Variants in TBCD observed in about 807,000 individuals in gnomAD.
TBCD encodes the protein tubulin folding cofactor D, also known as tubulin-specific chaperone D.
Under a neutral mutation model 169.3 loss-of-function variants are expected in TBCD, and 105 were observed. That is an observed-to-expected ratio of 0.62 (90% CI 0.53 to 0.73). The LOEUF is 0.73. Among genes scored for constraint, TBCD ranks in the 30% least tolerant of loss-of-function variants. The pLI, the probability that TBCD is intolerant of heterozygous loss-of-function variation, is 0.00. For missense variants in TBCD, 1,444 were observed against 1,600.1 expected, an observed-to-expected ratio of 0.90 and a Z score of 1.66; for synonymous variants, 700 against 643.9, an observed-to-expected ratio of 1.09 and a Z score of -1.32.
At chr17:82,902,974 G>A (rs1246395906) in intron 18 of TBCD, among the ~76,000 whole-genome samples, 1 of 152,196 alleles carries the variant, frequency 6.6e-6, no homozygotes, top group Non-Finnish European at 1.5e-5. Flanking sequence ...GGTGCTTTCA[G>A]TGTGTGTCTG....
At chr17:82,784,922 G>A (rs116619882) in intron 7 of TBCD, among the ~76,000 whole-genome samples, 9,329 of 150,576 alleles carry the variant, frequency 0.062, 673 homozygotes, top group African/African-American at 0.18. Context: ...CACTGGACCC[G>A]ACCCATCGCA....
intron 7 of TBCD, among the ~76,000 whole-genome samples, chr17:82,790,990 G>A (rs1462573928): frequency 3.3e-5 from 5 of 151,998 alleles, no homozygotes; most frequent in Non-Finnish European, 1.5e-5. Context: ...TCCCTTTGCC[G>A]CTGAGCCCGT....
intron 12 of TBCD, among the ~76,000 whole-genome samples, chr17:82,812,473 C>T (rs567639297): frequency 2.6e-5 from 4 of 152,228 alleles, no homozygotes; most frequent in Admixed American, 6.5e-5. Context: ...AGAGCCCCCC[C>T]GCAGGTGACC....
At chr17:82,846,949 G>A (rs994600778) in intron 13 of TBCD, among the ~76,000 whole-genome samples, 136 of 151,428 alleles carry the variant, frequency 9.0e-4, no homozygotes, top group African/African-American at 3.2e-3. Flanking sequence ...GTCCTCACCC[G>A]CCATGTGCCT....
At position 82,884,062 on chromosome 17, in the gene TBCD, G is replaced by C; in HGVS notation, c.1476-83G>C. On this transcript the variant is annotated intron_variant, in intron 14 of 38. Coordinates refer to ENST00000355528, the MANE Select transcript of TBCD (RefSeq NM_005993.5). The surrounding 1 kb of genome is among the most constrained non-coding windows in gnomAD (Gnocchi z 4.2). The stretch of plus-strand genomic sequence containing the variant: ...AACCTCAAGTGGGCCTGAGTCGTGA[G>C]AGAAAGGCTTTCTCATCGATACTGT... 1.4e-6 allele frequency: 2 copies of C among 1,388,696 alleles called. No individual in the cohort carries two copies. The highest frequency in any genetic ancestry group is 1.0e-6 in the Non-Finnish European group (1 of 1,002,700). 86.0% of individuals were successfully genotyped at this position (1,388,696 alleles called of 1,614,324 possible). A position where few individuals can be genotyped will look rare whatever the true frequency, so the allele number is the denominator to read the frequency against.
Position 82,803,940 on chromosome 17 carries a change from C to T in TBCD, c.951-1935C>T, listed in dbSNP as rs1421809681. Among the ~76,000 whole-genome samples, 6 of 81,860 alleles carry T rather than the reference C, an allele frequency of 7.3e-5. No individual in the cohort carries two copies. The East Asian group carries it at 1.5e-3, about 21-fold the overall frequency. 53.7% of individuals were successfully genotyped at this position (81,860 alleles called of 152,430 possible). ...GACTGGGGGCTGAGGTGCACCTGCC[C>T]GTGGGACGTTAGGGGAGACTGGGGG... On this transcript the variant is annotated intron_variant, in intron 9 of 38. Transcript: ENST00000355528.
At chr17:82,830,826 G>A (rs1466832267) in intron 13 of TBCD, 1 of 1,613,340 alleles carries the variant, frequency 6.2e-7, no homozygotes. Flanking sequence ...CCTCCGAGAC[G>A]AGAGAGGCGC....
chr17:82,852,515 CGCTGCCTTCCTGCT>C (rs1567892330), intron 13 of TBCD, among the ~76,000 whole-genome samples: 6 of 152,186 alleles, frequency 3.9e-5, no homozygotes, highest in Middle Eastern at 6.8e-3. Flanking sequence ...GGCCTGCAGG[CGCTGCCTTCCTGCT>C]GCGTGCTCGC....
Position 82,752,158 on chromosome 17 carries a change from C to G in TBCD, c.-36C>G. 1 of 1,481,424 alleles carries G rather than the reference C, an allele frequency of 6.8e-7. No individual in the cohort carries two copies. The highest frequency in any genetic ancestry group is 2.5e-5 in the Admixed American group (1 of 40,534). 91.8% of individuals were successfully genotyped at this position (1,481,424 alleles called of 1,614,324 possible). ...GCTCTAGCGGAGTGGGATCTGCGAA[C>G]ACGTGAGGCGGGGGCGCGGTCCCCA... is the stretch of plus-strand genomic sequence containing the variant. On this transcript the variant is annotated 5_prime_UTR_variant, in exon 1 of 39. Transcript: ENST00000355528.
Position 82,906,050 on chromosome 17 carries a change from A to C in TBCD, c.1919A>C (p.Asn640Thr). ...YALYKLAAQE[N>T]RPVTDHLDEQ... is the part of the protein sequence containing the mutation. ...TTGTACAAACTTGCAGCCCAAGAGA[A>C]CAGGTAGGAAGAGTGGGTCTCGAGG... Residue 640 changes from asparagine to threonine, a missense_variant, in exon 20 of 39, where the codon AAC becomes ACC. Asn to Thr is a moderately conservative substitution (Grantham distance 65, BLOSUM62 0). Coordinates refer to ENST00000355528, the MANE Select transcript of TBCD (RefSeq NM_005993.5). 1 of 1,603,064 alleles carries C rather than the reference A, an allele frequency of 6.2e-7. No individual in the cohort carries two copies. The highest frequency in any genetic ancestry group is 8.5e-7 in the Non-Finnish European group (1 of 1,174,554).
intron 7 of TBCD, among the ~76,000 whole-genome samples, chr17:82,784,945 C>A (rs1215968771): frequency 6.6e-6 from 1 of 150,892 alleles, no homozygotes; most frequent in Non-Finnish European, 1.5e-5. Context: ...GACAGGGGGT[C>A]CATGCTGTGT....
At chr17:82,866,060 C>T (rs2057148768) in intron 13 of TBCD, among the ~76,000 whole-genome samples, 2 of 152,152 alleles carry the variant, frequency 1.3e-5, no homozygotes, top group African/African-American at 4.8e-5. Flanking sequence ...TTATTTTAAA[C>T]CTGTTGAATC....
At chr17:82,917,542 G>A (rs1056828919) in intron 23 of TBCD, among the ~76,000 whole-genome samples, 17 of 152,162 alleles carry the variant, frequency 1.1e-4, no homozygotes, top group African/African-American at 3.9e-4. Context: ...CAAGCTGCAG[G>A]AACAAGACAT....
chr17:82,769,838 C>T (rs2048212562), intron 5 of TBCD, among the ~76,000 whole-genome samples: 1 of 147,154 alleles, frequency 6.8e-6, no homozygotes, highest in Non-Finnish European at 1.5e-5. Flanking sequence ...GATTACGCCA[C>T]TGCACTCCAG....
intron 33 of TBCD, among the ~76,000 whole-genome samples, chr17:82,932,381 A>G (rs2062280464): frequency 6.6e-6 from 1 of 151,220 alleles, no homozygotes; most frequent in Non-Finnish European, 1.5e-5. Context: ...TTTACTTTGG[A>G]CTCTCCTGTG....
chr17:82,783,435 C>T (rs1008823247), intron 7 of TBCD, among the ~76,000 whole-genome samples: 10 of 152,182 alleles, frequency 6.6e-5, no homozygotes, highest in East Asian at 5.8e-4. Context: ...GTTTTCTGTG[C>T]GGTCATCACC....
chr17:82,865,442 C>T (rs2057100412), intron 13 of TBCD: 1 of 984,780 alleles, frequency 1.0e-6, no homozygotes, highest in Non-Finnish European at 1.2e-6. Flanking sequence ...GTCGGGGAGA[C>T]ACCCCCTGCC....
intron 7 of TBCD, 67 bp from the exon 8 acceptor site, chr17:82,797,690 A>G: frequency 8.3e-7 from 1 of 1,204,396 alleles, no homozygotes; most frequent in Non-Finnish European, 1.2e-6. Context: ...TGTTTTCACA[A>G]TTTGTGTGTA....
intron 14 of TBCD, among the ~76,000 whole-genome samples, chr17:82,872,261 T>G (rs114406077): frequency 6.6e-6 from 1 of 152,116 alleles, no homozygotes; most frequent in Non-Finnish European, 1.5e-5. Flanking sequence ...GGCTGGAGGG[T>G]GCTGGTGCTG....
Sources: allele counts gnomAD v4.1 joint callset (sites outside exome capture counted in the v4.1 genomes callset), GRCh38; gene constraint gnomAD v4.1.1; non-coding constraint Gnocchi (gnomAD v3.1); transcripts MANE v1.5; gene names NCBI Gene and HGNC (gene_info 2026-07-23, HGNC 2026-07-21).